The following BUB1 variants were observed in gnomAD, a reference collection of about 807,000 sequenced individuals.
BUB1 encodes the protein mitotic checkpoint serine/threonine-protein kinase BUB1.
Under a neutral mutation model 135.2 loss-of-function variants are expected in BUB1, and 84 were observed. That is an observed-to-expected ratio of 0.62 (90% CI 0.52 to 0.74). The LOEUF (loss-of-function observed/expected upper bound fraction) is 0.74. BUB1 is among the 30% of genes least tolerant of loss of function. The probability of loss-of-function intolerance (pLI) is 0.00; values close to 1 mark genes in which losing one functional copy is unlikely to be tolerated. For missense variants in BUB1, 1,162 were observed against 1,288.3 expected (o/e 0.90, Z 1.50); for synonymous variants, 403 against 434.4 (o/e 0.93, Z 0.90).
At chr2:110,649,500 A>G in intron 18 of BUB1, 123 bp from the exon 19 acceptor site, 1 of 934,332 alleles carries the variant, frequency 1.1e-6, no homozygotes. Flanking sequence ...AAGCCTTATA[A>G]GAGTATTAAT....
In BUB1 at chr2:110,667,672, T is replaced by A. The variant is rs1471985104; in HGVS notation, c.654A>T (p.Glu218Asp). 4 of 1,613,354 alleles carry A rather than the reference T, an allele frequency of 2.5e-6. No homozygotes were observed. The Admixed American group carries it at 5.0e-5, about 20-fold the overall frequency. The change falls in exon 8 of 25, where the codon GAA becomes GAT. Residue 218 changes from glutamate to aspartate, a missense_variant. By Grantham distance (45) the Glu-to-Asp change is conservative (BLOSUM62 2). Transcript: ENST00000302759. ...ATGCCAAAGATGAGTGCACAGAATATTCTGATTTAGAAATCGTGATCACTC... is the reference window on the plus strand; with the variant it reads ...ATGCCAAAGATGAGTGCACAGAATAATCTGATTTAGAAATCGTGATCACTC... ...ERRVITISKS[E>D]YSVHSSLASK...
Position 110,678,056 on chromosome 2 carries a change from A to T in BUB1, c.-61T>A. ...AACCGCAAACTAGAAGCCGCCGCCGATTCGAATACCCCGCGCAGCCGCAGT... is the reference window on the plus strand; with the variant it reads ...AACCGCAAACTAGAAGCCGCCGCCGTTTCGAATACCCCGCGCAGCCGCAGT... On this transcript the variant is annotated 5_prime_UTR_variant, in exon 1 of 25. Coordinates refer to ENST00000302759, the MANE Select transcript of BUB1 (RefSeq NM_004336.5). The T allele has an allele frequency of 1.3e-6, 2 of 1,554,262 alleles. No homozygotes were observed. Among genetic ancestry groups the T allele is most frequent in the Non-Finnish European group, 1.7e-6 (2 of 1,151,602 alleles).
At chr2:110,670,418 G>A (rs1406448322) in intron 5 of BUB1, 107 bp downstream of exon 5, 43 of 1,312,000 alleles carry the variant, frequency 3.3e-5, no homozygotes, top group Non-Finnish European at 3.3e-6. Flanking sequence ...GATTACAGGT[G>A]TGAGCCACCA....
At chr2:110,662,005 A>G (rs911314715) in intron 9 of BUB1, 164 bp from the exon 10 acceptor site, 7 of 797,022 alleles carry the variant, frequency 8.8e-6, no homozygotes, top group Non-Finnish European at 1.3e-5. Context: ...ATGTACAGTC[A>G]ACAACAAAAA....
At position 110,649,391 on chromosome 2, in the gene BUB1, G is replaced by GAAAAAAAAAAAAAAAAAAAAAAA; in HGVS notation, c.2204-15_2204-14insTTTTTTTTTTTTTTTTTTTTTTT. On this transcript the variant is annotated splice_polypyrimidine_tract_variant and intron_variant, in intron 18 of 24. Transcript: ENST00000302759. The stretch of plus-strand genomic sequence containing the variant: ...CAACAATGAAGTCTTAAAGGAATGA[G>GAAAAAAAAAAAAAAAAAAAAAAA]AAAAAAAAAAAAAAAGGGAACATGA... 1 of 1,127,648 alleles carries GAAAAAAAAAAAAAAAAAAAAAAA rather than the reference G, an allele frequency of 8.9e-7. No individual in the cohort carries two copies. 69.9% of individuals were successfully genotyped at this position (1,127,648 alleles called of 1,614,324 possible).
At chr2:110,660,165 A>T (rs1260274610) in intron 10 of BUB1, 129 bp from the exon 11 acceptor site, 2 of 641,736 alleles carry the variant, frequency 3.1e-6, no homozygotes, top group Non-Finnish European at 5.4e-6. Context: ...TGAGGTCAGA[A>T]GTTCGAGACC....
chr2:110,669,648 A>G (rs1690364168), intron 5 of BUB1, 95 bp from the exon 6 acceptor site: 5 of 743,556 alleles, frequency 6.7e-6, no homozygotes, highest in Non-Finnish European at 1.1e-5. Flanking sequence ...TTCCAGTAGG[A>G]ATCATAAGAA....
intron 17 of BUB1, among the ~76,000 whole-genome samples, 186 bp from the exon 18 acceptor site, chr2:110,650,970 C>T (rs1689769877): frequency 6.6e-6 from 1 of 151,844 alleles, no homozygotes; most frequent in Admixed American, 6.6e-5. Flanking sequence ...ACAATATGAA[C>T]AGAAATAATA....
At chr2:110,664,471 A>G (rs1378513984) in intron 9 of BUB1, among the ~76,000 whole-genome samples, 2 of 152,134 alleles carry the variant, frequency 1.3e-5, no homozygotes, top group Non-Finnish European at 2.9e-5. Flanking sequence ...CTCCTAGAAC[A>G]TTGTGCCCAA....
intron 19 of BUB1, chr2:110,642,668 A>G (rs1689536459): frequency 6.5e-6 from 1 of 152,994 alleles, no homozygotes; most frequent in African/African-American, 2.4e-5. Context: ...TTTGGGGGGA[A>G]GACCACAGAG....
intron 13 of BUB1, 35 bp from the exon 14 acceptor site, chr2:110,657,680 T>C: frequency 6.9e-7 from 1 of 1,447,032 alleles, no homozygotes; most frequent in South Asian, 1.4e-5. Flanking sequence ...CTAATTATTG[T>C]ACTAGGAAAA....
intron 13 of BUB1, 150 bp downstream of exon 13, chr2:110,658,260 T>G: frequency 1.6e-6 from 1 of 644,564 alleles, no homozygotes; most frequent in Admixed American, 3.1e-5. Context: ...GAGTACCTTG[T>G]CAAGAACTGT....
At chr2:110,675,661 A>AT (rs1007129061) in intron 1 of BUB1, among the ~76,000 whole-genome samples, 2 of 146,220 alleles carry the variant, frequency 1.4e-5, no homozygotes, top group African/African-American at 5.1e-5. Context: ...TTTTATTTTT[A>AT]TTTTTTTAGA....
chr2:110,652,440 CT>C (rs1438175854), intron 17 of BUB1, among the ~76,000 whole-genome samples: 1 of 152,070 alleles, frequency 6.6e-6, no homozygotes, highest in Non-Finnish European at 1.5e-5. Flanking sequence ...CACTAGAAAC[CT>C]GTGAAAATAT....
intron 9 of BUB1, 57 bp from the exon 10 acceptor site, chr2:110,661,898 T>A: frequency 6.4e-7 from 1 of 1,572,420 alleles, no homozygotes; most frequent in Non-Finnish European, 8.6e-7. Context: ...AGAATACTAC[T>A]AATCAGGCAT....
chr2:110,678,055 G>A lies in BUB1; in HGVS notation c.-60C>T, dbSNP rs961425841. 4 of 1,555,746 alleles carry A rather than the reference G, an allele frequency of 2.6e-6. No homozygotes were observed. The highest frequency in any genetic ancestry group is 2.6e-6 in the Non-Finnish European group (3 of 1,152,308). On this transcript the variant is annotated 5_prime_UTR_variant, in exon 1 of 25. Coordinates refer to ENST00000302759, the MANE Select transcript of BUB1 (RefSeq NM_004336.5). Reference sequence around the variant, plus strand: ...GAACCGCAAACTAGAAGCCGCCGCCGATTCGAATACCCCGCGCAGCCGCAG... The same window carrying A: ...GAACCGCAAACTAGAAGCCGCCGCCAATTCGAATACCCCGCGCAGCCGCAG...
At chr2:110,639,889 T>G (rs1689458642) in intron 23 of BUB1, 41 bp from the exon 24 acceptor site, 1 of 1,457,526 alleles carries the variant, frequency 6.9e-7, no homozygotes, top group Non-Finnish European at 9.6e-7. Context: ...AAATAGTAAT[T>G]TACACATGAC....
At chr2:110,663,029 A>G (rs895021312) in intron 9 of BUB1, among the ~76,000 whole-genome samples, 2 of 152,166 alleles carry the variant, frequency 1.3e-5, no homozygotes, top group Non-Finnish European at 2.9e-5. Context: ...ACCAAAACAC[A>G]TAAGAAAGTT....
At chr2:110,667,467 TGAG>T in intron 8 of BUB1, 51 bp downstream of exon 8, 1 of 1,508,002 alleles carries the variant, frequency 6.6e-7, no homozygotes, top group Non-Finnish European at 9.0e-7. Context: ...TACTCAGAGA[TGAG>T]GATTTTTTTA....
Sources: gnomAD v4.1 joint callset for allele counts (sites outside exome capture counted in the v4.1 genomes callset) on GRCh38, gnomAD v4.1.1 for gene constraint, MANE v1.5 for transcripts, NCBI Gene and HGNC (gene_info 2026-07-23, HGNC 2026-07-21) for gene names.